The following ASCC3 variants were observed in gnomAD, a reference collection of about 807,000 sequenced individuals.
ASCC3 encodes the protein ASC-1 complex subunit P200.
Under a neutral mutation model 256.3 loss-of-function variants are expected in ASCC3, and 158 were observed. That is an observed-to-expected ratio of 0.62 (90% CI 0.54 to 0.70). ASCC3 has a LOEUF of 0.70. ASCC3 is among the 30% of genes least tolerant of loss of function. The pLI, the probability that ASCC3 is intolerant of heterozygous loss-of-function variation, is 0.00. For synonymous variants in ASCC3, 948 were observed against 883.4 expected, an observed-to-expected ratio of 1.07 and a Z score of -1.30; for missense variants, 2,259 against 2,626.0, an observed-to-expected ratio of 0.86 and a Z score of 3.05.
At chr6:100,744,566 G>T (rs984476337) in intron 10 of ASCC3, among the ~76,000 whole-genome samples, 1 of 152,140 alleles carries the variant, frequency 6.6e-6, no homozygotes, top group African/African-American at 2.4e-5. Context: ...ATTTGAATGT[G>T]TTAAAATCCT....
intron 30 of ASCC3, 56 bp downstream of exon 30, chr6:100,625,135 TC>T: frequency 6.3e-7 from 1 of 1,588,982 alleles, no homozygotes; most frequent in Non-Finnish European, 8.6e-7. Flanking sequence ...TAATGATCAT[TC>T]TAATATAATA....
At chr6:100,583,818 T>G (rs781076737) in intron 36 of ASCC3, among the ~76,000 whole-genome samples, 4 of 152,230 alleles carry the variant, frequency 2.6e-5, no homozygotes, top group Non-Finnish European at 5.9e-5. Flanking sequence ...AAGAACATCT[T>G]TATTTCTGCC....
At chr6:100,745,037 A>G (rs1412801650) in intron 10 of ASCC3, among the ~76,000 whole-genome samples, 1 of 152,178 alleles carries the variant, frequency 6.6e-6, no homozygotes, top group East Asian at 1.9e-4. Flanking sequence ...CTCATAATGA[A>G]GGAAAAGTGG....
intron 13 of ASCC3, among the ~76,000 whole-genome samples, chr6:100,685,463 C>G (rs1777527798): frequency 6.6e-6 from 1 of 152,124 alleles, no homozygotes; most frequent in Non-Finnish European, 1.5e-5. Context: ...GCATCAGCAG[C>G]AGCAGCAGTG....
At chr6:100,832,554 C>G (rs1406964236) in intron 4 of ASCC3, among the ~76,000 whole-genome samples, 1 of 151,942 alleles carries the variant, frequency 6.6e-6, no homozygotes, top group Non-Finnish European at 1.5e-5. Context: ...ATTATACACT[C>G]AAATGAATAA....
chr6:100,747,166 C>T (rs1454576014), intron 10 of ASCC3, among the ~76,000 whole-genome samples: 1 of 148,600 alleles, frequency 6.7e-6, no homozygotes, highest in East Asian at 1.9e-4. Context: ...AGATGCTCAA[C>T]ATCATTAGTC....
chr6:100,552,204 A>C (rs1403129855), intron 36 of ASCC3, among the ~76,000 whole-genome samples: 1 of 151,978 alleles, frequency 6.6e-6, no homozygotes, highest in Admixed American at 6.6e-5. Context: ...AAGGATGTTA[A>C]CTGAATTTTA....
At chr6:100,683,976 A>C (rs551239453) in intron 13 of ASCC3, among the ~76,000 whole-genome samples, 3 of 152,244 alleles carry the variant, frequency 2.0e-5, no homozygotes, top group African/African-American at 7.2e-5. Flanking sequence ...AAAGTATGTA[A>C]ATTTGAGTTC....
At chr6:100,578,010 A>G (rs1770968189) in intron 36 of ASCC3, among the ~76,000 whole-genome samples, 1 of 152,044 alleles carries the variant, frequency 6.6e-6, no homozygotes, top group Non-Finnish European at 1.5e-5. Context: ...AATTTCCTTT[A>G]GCTTAGCTCT....
intron 10 of ASCC3, among the ~76,000 whole-genome samples, chr6:100,762,651 G>T (rs1189304948): frequency 2.6e-5 from 4 of 152,090 alleles, no homozygotes; most frequent in African/African-American, 9.7e-5. Flanking sequence ...ATTCTGTCTT[G>T]TAAAAGGAAA....
intron 3 of ASCC3, among the ~76,000 whole-genome samples, chr6:100,854,222 T>C (rs1772828386): frequency 1.3e-5 from 2 of 151,890 alleles, no homozygotes; most frequent in Admixed American, 1.3e-4. Flanking sequence ...TTATCAAACT[T>C]TTGACATAAC....
intron 36 of ASCC3, among the ~76,000 whole-genome samples, chr6:100,584,275 A>G (rs1433292065): frequency 2.6e-5 from 4 of 151,282 alleles, no homozygotes; most frequent in East Asian, 1.9e-4. Context: ...GTGCTCCTGT[A>G]TTGGGTGCAT....
In ASCC3 at chr6:100,560,748, AACACAC is replaced by A. The variant is rs747539213; in HGVS notation, c.5551-20367_5551-20362del. Reference sequence around the variant, plus strand: ...AGTCAAACCCCAAACATCTTAGAGGAACACACACACACACACACACACACACACACA... The same window carrying A: ...AGTCAAACCCCAAACATCTTAGAGGAACACACACACACACACACACACACA... On this transcript the variant is annotated intron_variant, in intron 36 of 41. Transcript: ENST00000369162. 5.5e-3 allele frequency among the ~76,000 whole-genome samples: 733 copies of A among 133,940 alleles called. 4 individuals are homozygous for A. The highest frequency in any genetic ancestry group is 0.013 in the African/African-American group (476 of 35,932). 87.9% of individuals were successfully genotyped at this position (133,940 alleles called of 152,430 possible). A position where few individuals can be genotyped will look rare whatever the true frequency, so the allele number is the denominator to read the frequency against.
In ASCC3 at chr6:100,601,833, GA is replaced by G; in HGVS notation, c.5279del (p.Phe1760SerfsTer6). On this transcript the variant is annotated frameshift_variant, in exon 34 of 42. Coordinates refer to ENST00000369162, the MANE Select transcript of ASCC3 (RefSeq NM_006828.4). LOFTEE classifies it high-confidence loss of function. ...ALDYITWTYF[F>X]RRLIMNPSYY... ...ACCTGGGATTCATGATAAGACGTCGGAAAAAGTAAGTCCAGGTGATATAATC... is the reference window on the plus strand; with the variant it reads ...ACCTGGGATTCATGATAAGACGTCGGAAAAGTAAGTCCAGGTGATATAATC... 1.2e-6 allele frequency: 2 copies of G among 1,612,444 alleles called. No individual in the cohort carries two copies. The highest frequency in any genetic ancestry group is 2.2e-5 in the East Asian group (1 of 44,760).
intron 4 of ASCC3, among the ~76,000 whole-genome samples, chr6:100,829,113 C>T (rs1246045534): frequency 6.6e-6 from 1 of 152,082 alleles, no homozygotes; most frequent in East Asian, 1.9e-4. Context: ...AATCCCTTAG[C>T]TAGATATAAA....
chr6:100,749,482 T>C (rs1050602164), intron 10 of ASCC3, among the ~76,000 whole-genome samples: 7 of 151,990 alleles, frequency 4.6e-5, no homozygotes, highest in Non-Finnish European at 7.4e-5. Context: ...GAAAAAATTG[T>C]GGGGTATGGA....
In ASCC3 at chr6:100,650,679, T is replaced by C; in HGVS notation, c.3111A>G (p.Leu1037=). The C allele has an allele frequency of 6.2e-7, 1 of 1,612,054 alleles. No individual in the cohort carries two copies. The highest frequency in any genetic ancestry group is 1.1e-5 in the South Asian group (1 of 91,016). ...TGGAGAGTTCACAAAAATTGCTTAA[T>C]AAGGTATCTAACTCCTCTATTTCCT... The part of the protein sequence containing the change: ...REEEIEELDT[L]LSNFCELSTP... Residue 1037 remains leucine, a synonymous_variant, in exon 20 of 42, where the codon TTA becomes TTG. Coordinates refer to ENST00000369162, the MANE Select transcript of ASCC3 (RefSeq NM_006828.4).
intron 13 of ASCC3, among the ~76,000 whole-genome samples, chr6:100,685,486 A>C (rs1777528585): frequency 6.6e-6 from 1 of 152,216 alleles, no homozygotes; most frequent in African/African-American, 2.4e-5. Flanking sequence ...CCTGAGTCAG[A>C]AACTCTGAGG....
Position 100,753,663 on chromosome 6 carries a change from C to T in ASCC3, c.1737+12902G>A, listed in dbSNP as rs552900285. Among the ~76,000 whole-genome samples, 4 of 152,168 alleles carry T rather than the reference C, an allele frequency of 2.6e-5. No homozygotes were observed. The South Asian group carries it at 8.3e-4, about 32-fold the overall frequency. On this transcript the variant is annotated intron_variant, in intron 10 of 41. Coordinates refer to ENST00000369162, the MANE Select transcript of ASCC3 (RefSeq NM_006828.4). ...GAGTAGTTGGTACTGCAGGCTCTTG[C>T]CACTGCGTCCTGCAAAATGTCTTCT...
Sources: gnomAD v4.1 joint callset for allele counts (sites outside exome capture counted in the v4.1 genomes callset) on GRCh38, gnomAD v4.1.1 for gene constraint, MANE v1.5 for transcripts, NCBI Gene and HGNC (gene_info 2026-07-23, HGNC 2026-07-21) for gene names.